The following CLEC16A variants were observed in gnomAD, a reference collection of about 807,000 sequenced individuals.
CLEC16A encodes protein CLEC16A.
Under a neutral mutation model 109.5 loss-of-function variants are expected in CLEC16A, and 51 were observed. The observed-to-expected ratio is 0.47, with a 90% CI of 0.37 to 0.59. The LOEUF is 0.59. CLEC16A is among the 20% of genes least tolerant of loss of function. The probability of loss-of-function intolerance (pLI) is 0.00; values close to 1 mark genes in which losing one functional copy is unlikely to be tolerated. For missense variants in CLEC16A, 1,339 were observed against 1,394.0 expected (o/e 0.96, Z 0.63); for synonymous variants, 673 against 564.2 (o/e 1.19, Z -2.73).
intron 18 of CLEC16A, among the ~76,000 whole-genome samples, chr16:11,052,171 T>C (rs1365584295): frequency 6.6e-6 from 1 of 152,150 alleles, no homozygotes; most frequent in Non-Finnish European, 1.5e-5. Flanking sequence ...TATCAGCCCT[T>C]TTTTTCCGAA....
chr16:11,017,431 T>G (rs2045826250), intron 11 of CLEC16A, among the ~76,000 whole-genome samples: 1 of 152,048 alleles, frequency 6.6e-6, no homozygotes, highest in Non-Finnish European at 1.5e-5. Context: ...AAAATCAAGA[T>G]AAGGGGGAGG....
Position 11,179,046 on chromosome 16 carries a change from C to G in CLEC16A, c.*356C>G, listed in dbSNP as rs1238559717. On this transcript the variant is annotated 3_prime_UTR_variant, in exon 24 of 24. Transcript: ENST00000409790. ...TCATATGGCTCCTCTGTCACCAGCC[C>G]CAGTGTGCACAGAAGAATTGGACCA... 4.0e-6 allele frequency: 1 copy of G among 247,216 alleles called. No homozygotes were observed. Among genetic ancestry groups the G allele is most frequent in the Non-Finnish European group, 7.7e-6 (1 of 130,076 alleles). The allele number at this position is 247,216 out of a possible 1,614,324, so 15.3% of individuals were successfully genotyped here.
chr16:11,067,324 A>G (rs2048825508), intron 19 of CLEC16A, among the ~76,000 whole-genome samples: 1 of 148,890 alleles, frequency 6.7e-6, no homozygotes, highest in African/African-American at 2.5e-5. Flanking sequence ...TCAGATGACC[A>G]CCGTGTTTCC....
At chr16:11,097,651 G>A (rs755031442) in intron 19 of CLEC16A, among the ~76,000 whole-genome samples, 1 of 152,140 alleles carries the variant, frequency 6.6e-6, no homozygotes, top group Admixed American at 6.5e-5. Flanking sequence ...ATTTACTGGT[G>A]TTTTTTCAGT....
At chr16:11,011,101 T>C (rs1029178820) in intron 11 of CLEC16A, among the ~76,000 whole-genome samples, 2 of 152,222 alleles carry the variant, frequency 1.3e-5, no homozygotes, top group Non-Finnish European at 2.9e-5. Context: ...GTAATGACCT[T>C]CCTTTTCTTC....
At chr16:11,164,759 T>C (rs2054845770) in intron 22 of CLEC16A, among the ~76,000 whole-genome samples, 3 of 152,242 alleles carry the variant, frequency 2.0e-5, no homozygotes, top group African/African-American at 7.2e-5. Flanking sequence ...AGTAAAACTT[T>C]ACTTACCAAG....
At chr16:11,175,767 T>C (rs1326302560) in intron 23 of CLEC16A, among the ~76,000 whole-genome samples, 2 of 152,220 alleles carry the variant, frequency 1.3e-5, no homozygotes, top group African/African-American at 2.4e-5. Flanking sequence ...TGTTAGTTGG[T>C]TTGCTCTTTT....
Position 11,178,072 on chromosome 16 carries a change from G to T in CLEC16A, c.2807-263G>T, listed in dbSNP as rs2068828412. Among the ~76,000 whole-genome samples, 1 of 152,160 alleles carries T rather than the reference G, an allele frequency of 6.6e-6. No homozygotes were observed. The highest frequency in any genetic ancestry group is 1.5e-5 in the Non-Finnish European group (1 of 68,028). The stretch of plus-strand genomic sequence containing the variant: ...CTTTCATAAGCCACATGCTGATTTT[G>T]CACAGGCCCTGAATTTTCCCCTCAT... On this transcript the variant is annotated intron_variant, in intron 23 of 23. Coordinates refer to ENST00000409790, the MANE Select transcript of CLEC16A (RefSeq NM_015226.3). The surrounding 1 kb of genome is among the most constrained non-coding windows in gnomAD (Gnocchi z 6.5).
intron 13 of CLEC16A, among the ~76,000 whole-genome samples, chr16:11,035,343 G>A (rs1266676530): frequency 2.0e-5 from 3 of 152,086 alleles, no homozygotes; most frequent in Non-Finnish European, 4.4e-5. Context: ...TCTTCTGCCC[G>A]AAATTTGATC....
At chr16:11,067,168 GT>G (rs796323895) in intron 19 of CLEC16A, among the ~76,000 whole-genome samples, 68 of 124,712 alleles carry the variant, frequency 5.5e-4, no homozygotes, top group Admixed American at 1.3e-3. Context: ...TTTTTTTTTG[GT>G]TTTTTTTTTG....
chr16:11,121,645 C>G (rs2052417734), intron 20 of CLEC16A, among the ~76,000 whole-genome samples: 1 of 151,532 alleles, frequency 6.6e-6, no homozygotes, highest in African/African-American at 2.4e-5. Context: ...TTTGAGGGGC[C>G]AAGTCAGGTG....
intron 22 of CLEC16A, among the ~76,000 whole-genome samples, chr16:11,163,011 G>A (rs930216529): frequency 2.6e-5 from 4 of 152,168 alleles, no homozygotes; most frequent in South Asian, 2.1e-4. Context: ...CAGGGAGGCC[G>A]GTTTGCCTTC....
intron 14 of CLEC16A, 77 bp downstream of exon 14, chr16:11,039,953 G>A: frequency 2.6e-6 from 4 of 1,534,196 alleles, no homozygotes; most frequent in Non-Finnish European, 3.5e-6. Context: ...CCTGAGCCCT[G>A]GGTGCTAGGC....
chr16:10,989,094 T>C (rs1266871482), intron 10 of CLEC16A, among the ~76,000 whole-genome samples: 1 of 152,222 alleles, frequency 6.6e-6, no homozygotes. Flanking sequence ...ACACCAATGT[T>C]AGCCATTGCC....
chr16:11,026,042 A>G (rs1420125181), intron 13 of CLEC16A, among the ~76,000 whole-genome samples: 1 of 152,252 alleles, frequency 6.6e-6, no homozygotes, highest in East Asian at 1.9e-4. Flanking sequence ...ACATCCATAG[A>G]GAACTGCCAT....
chr16:11,066,200 T>C (rs987560458), intron 19 of CLEC16A, among the ~76,000 whole-genome samples: 2 of 152,062 alleles, frequency 1.3e-5, no homozygotes, highest in Admixed American at 1.3e-4. Context: ...GAGCATTATC[T>C]GTGCTGTGCC....
intron 19 of CLEC16A, among the ~76,000 whole-genome samples, chr16:11,106,596 C>T (rs535832695): frequency 6.6e-6 from 1 of 152,094 alleles, no homozygotes; most frequent in East Asian, 1.9e-4. Context: ...AGCAATCCTC[C>T]TGCCTCAGCC....
chr16:11,044,139 G>A (rs901896487), intron 16 of CLEC16A, 67 bp downstream of exon 16: 6 of 1,351,716 alleles, frequency 4.4e-6, no homozygotes, highest in Non-Finnish European at 6.1e-6. Context: ...GTGGTGTCTG[G>A]TTCTATGCAG....
chr16:11,050,072 A>G (rs2047856817), intron 17 of CLEC16A, among the ~76,000 whole-genome samples: 1 of 152,230 alleles, frequency 6.6e-6, no homozygotes, highest in South Asian at 2.1e-4. Flanking sequence ...ACAGTTCTAG[A>G]GGCTGGGAAG....
Sources: gnomAD v4.1 joint callset for allele counts (sites outside exome capture counted in the v4.1 genomes callset) on GRCh38, gnomAD v4.1.1 for gene constraint, Gnocchi (gnomAD v3.1) non-coding constraint, MANE v1.5 for transcripts, NCBI Gene and HGNC (gene_info 2026-07-23, HGNC 2026-07-21) for gene names.